The following PLLP variants were observed in gnomAD, a reference collection of about 807,000 sequenced individuals.
The protein encoded by PLLP is plasma membrane proteolipid (plasmolipin).
In PLLP, 15 loss-of-function variants were observed where a neutral mutation model predicts 19.7. The observed-to-expected ratio is 0.76, with a 90% CI of 0.51 to 1.17. The LOEUF (loss-of-function observed/expected upper bound fraction) is 1.17. Among genes scored for constraint, PLLP ranks in the 50% most tolerant of loss-of-function variants. PLLP has a pLI of 0.00. For missense variants in PLLP, 255 were observed against 258.3 expected, an observed-to-expected ratio of 0.99 and a Z score of 0.09; for synonymous variants, 111 against 116.3, an observed-to-expected ratio of 0.95 and a Z score of 0.29.
chr16:57,262,994 C>T (rs552124032), intron 1 of PLLP, among the ~76,000 whole-genome samples: 81 of 152,268 alleles, frequency 5.3e-4, no homozygotes, highest in Admixed American at 9.1e-4. Flanking sequence ...GTGGCTGTCT[C>T]ACAGCTACGT....
At chr16:57,267,875 C>CAAAA (rs71152241) in intron 1 of PLLP, among the ~76,000 whole-genome samples, 3 of 65,606 alleles carry the variant, frequency 4.6e-5, no homozygotes, top group Non-Finnish European at 9.4e-5. Flanking sequence ...AACTCCGTCT[C>CAAAA]AAAAAAAAAA....
At chr16:57,268,907 G>C (rs2075465857) in intron 1 of PLLP, among the ~76,000 whole-genome samples, 4 of 152,186 alleles carry the variant, frequency 2.6e-5, no homozygotes, top group Admixed American at 1.3e-4. Context: ...GGCTCCTCAG[G>C]AGGGTGAGGC....
At chr16:57,261,789 T>A in intron 2 of PLLP, 108 bp downstream of exon 2, 1 of 928,578 alleles carries the variant, frequency 1.1e-6, no homozygotes, top group Non-Finnish European at 1.7e-6. Context: ...GCAGATCAGC[T>A]TAGGTCAGTG....
intron 1 of PLLP, among the ~76,000 whole-genome samples, chr16:57,269,614 C>G (rs1158754958): frequency 2.6e-5 from 4 of 152,164 alleles, no homozygotes; most frequent in African/African-American, 9.7e-5. Context: ...CACCAGGGCT[C>G]AAGCTCAGCA....
intron 1 of PLLP, among the ~76,000 whole-genome samples, chr16:57,284,128 G>A (rs969100738): frequency 1.3e-5 from 2 of 152,154 alleles, no homozygotes; most frequent in Admixed American, 6.5e-5. Context: ...GAGGGGGCAC[G>A]ATGGGGCACG....
chr16:57,261,820 C>A (rs906808195), intron 2 of PLLP, 77 bp downstream of exon 2: 27 of 1,359,144 alleles, frequency 2.0e-5, no homozygotes, highest in African/African-American at 8.5e-5. Flanking sequence ...GCCACCCCCC[C>A]ACACCCTGCC....
At chr16:57,266,131 A>C (rs1419340983) in intron 1 of PLLP, among the ~76,000 whole-genome samples, 2 of 152,104 alleles carry the variant, frequency 1.3e-5, no homozygotes, top group Non-Finnish European at 2.9e-5. Flanking sequence ...AAAAATGAGG[A>C]CACTTCAGCT....
chr16:57,263,289 G>A (rs576020159), intron 1 of PLLP: 4 of 152,338 alleles, frequency 2.6e-5, no homozygotes, highest in East Asian at 1.9e-4. Flanking sequence ...GTTCCCACAC[G>A]GCAGGATGGG....
intron 1 of PLLP, among the ~76,000 whole-genome samples, chr16:57,275,369 T>C (rs1489327976): frequency 6.6e-6 from 1 of 152,042 alleles, no homozygotes; most frequent in African/African-American, 2.4e-5. Flanking sequence ...ATTGATGAAC[T>C]TGTATATATC....
chr16:57,260,826 C>T (rs2075439733), intron 2 of PLLP, among the ~76,000 whole-genome samples: 1 of 152,240 alleles, frequency 6.6e-6, no homozygotes, highest in African/African-American at 2.4e-5. Context: ...AGGGCCTCAC[C>T]TGCAGGCAGC....
At chr16:57,279,684 A>G (rs1302531037) in intron 1 of PLLP, among the ~76,000 whole-genome samples, 1 of 151,456 alleles carries the variant, frequency 6.6e-6, no homozygotes, top group East Asian at 1.9e-4. Flanking sequence ...CGAGGAAAAA[A>G]AAAAAAAAGT....
chr16:57,273,550 C>G (rs1356836191), intron 1 of PLLP, among the ~76,000 whole-genome samples: 1 of 152,210 alleles, frequency 6.6e-6, no homozygotes, highest in Non-Finnish European at 1.5e-5. Flanking sequence ...CTGGGCCTGG[C>G]TTTTGTCACA....
chr16:57,276,255 G>A (rs553771926), intron 1 of PLLP, among the ~76,000 whole-genome samples: 4 of 151,606 alleles, frequency 2.6e-5, no homozygotes, highest in African/African-American at 7.3e-5. Context: ...TCAGGAGTTC[G>A]AGGCCAGTCT....
intron 1 of PLLP, among the ~76,000 whole-genome samples, chr16:57,273,259 C>CAAAA: frequency 7.0e-6 from 1 of 142,802 alleles, no homozygotes; most frequent in South Asian, 2.2e-4. Flanking sequence ...GACTCCATCT[C>CAAAA]AAAAAAAAAA....
rs529727159 is a variant in PLLP at position 57,275,434 on chromosome 16, C to T, written c.135+8972G>A. Among the ~76,000 whole-genome samples the T allele has an allele frequency of 2.7e-4, 41 of 152,126 alleles. No individual in the cohort carries two copies. In the South Asian group the frequency reaches 7.9e-3, roughly 29 times the overall value. ...CTTAAATCACTAGGAAGTGGGAAACCTGTATTATCTGTCACAATAGAAGCT... is the reference window on the plus strand; with the variant it reads ...CTTAAATCACTAGGAAGTGGGAAACTTGTATTATCTGTCACAATAGAAGCT... On this transcript the variant is annotated intron_variant, in intron 1 of 3. Coordinates refer to ENST00000219207, the MANE Select transcript of PLLP (RefSeq NM_015993.3).
intron 1 of PLLP, 35 bp downstream of exon 1, chr16:57,284,371 C>T (rs1035851886): frequency 7.5e-7 from 1 of 1,337,698 alleles, no homozygotes; most frequent in African/African-American, 1.5e-5. Context: ...ACCGGGAGCC[C>T]CCGGCCAACC....
intron 1 of PLLP, among the ~76,000 whole-genome samples, chr16:57,282,186 C>T (rs1389069485): frequency 1.3e-5 from 2 of 151,694 alleles, no homozygotes; most frequent in Non-Finnish European, 2.9e-5. Flanking sequence ...GCCTTCCATT[C>T]CCCCTATTGC....
At chr16:57,259,864 C>T (rs1002070293) in intron 2 of PLLP, among the ~76,000 whole-genome samples, 1 of 151,778 alleles carries the variant, frequency 6.6e-6, no homozygotes, top group African/African-American at 2.4e-5. Context: ...GTAATCCCAG[C>T]TACACAGGAG....
chr16:57,270,363 G>A (rs1405087203), intron 1 of PLLP, among the ~76,000 whole-genome samples: 2 of 136,670 alleles, frequency 1.5e-5, no homozygotes, highest in Non-Finnish European at 3.1e-5. Context: ...TCCTTCCCCT[G>A]CCCCCAAGTC....
Sources: allele counts gnomAD v4.1 joint callset (sites outside exome capture counted in the v4.1 genomes callset), GRCh38; gene constraint gnomAD v4.1.1; transcripts MANE v1.5; gene names NCBI Gene and HGNC (gene_info 2026-07-23, HGNC 2026-07-21).